Variants in RIMOC1 observed in about 807,000 individuals in gnomAD.
RIMOC1 encodes RAB7A-interacting MON1-CCZ1 complex subunit 1.
chr5:41,908,173 G>A, the RIMOC1 span: 1 of 174,656 alleles, frequency 5.7e-6, no homozygotes, highest in East Asian at 1.6e-4. Flanking sequence ...GTATATAAGG[G>A]CCCTGACTTT....
chr5:41,915,782 A>G, the RIMOC1 span, among the ~76,000 whole-genome samples: 2 of 152,340 alleles, frequency 1.3e-5, no homozygotes, highest in South Asian at 2.1e-4. Flanking sequence ...TTATGAGGGT[A>G]CAATTCAAGA....
At chr5:41,904,959 A>C in the RIMOC1 span, among the ~76,000 whole-genome samples, 6 of 152,186 alleles carry the variant, frequency 3.9e-5, no homozygotes, top group African/African-American at 1.4e-4. Flanking sequence ...TGTGTAGACT[A>C]TTCTGCCCCA....
the RIMOC1 span, chr5:41,919,366 T>G: frequency 6.6e-6 from 1 of 152,198 alleles, no homozygotes; most frequent in Non-Finnish European, 1.5e-5. Context: ...CTCAAACAGT[T>G]AAAATCCAGG....
chr5:41,909,583 T>C, the RIMOC1 span, among the ~76,000 whole-genome samples: 47 of 152,264 alleles, frequency 3.1e-4, 1 homozygote, highest in African/African-American at 1.1e-3. Context: ...TTTCTCAAAT[T>C]ATATTTACAT....
At chr5:41,918,426 C>T in the RIMOC1 span, 1 of 985,608 alleles carries the variant, frequency 1.0e-6, no homozygotes, top group Non-Finnish European at 1.2e-6. Context: ...AACTGTCAGC[C>T]CCTTTCAGGC....
chr5:41,912,492 T>A, the RIMOC1 span, among the ~76,000 whole-genome samples: 2 of 152,186 alleles, frequency 1.3e-5, no homozygotes, highest in East Asian at 3.8e-4. Flanking sequence ...TACCTGAGAC[T>A]GGGTAATTTA....
At chr5:41,917,250 C>T in the RIMOC1 span, 2 of 1,612,270 alleles carry the variant, frequency 1.2e-6, no homozygotes, top group South Asian at 2.2e-5. Flanking sequence ...GAATGGAATA[C>T]AACGAATGCA....
At chr5:41,914,901 TG>T in the RIMOC1 span, among the ~76,000 whole-genome samples, 1 of 152,240 alleles carries the variant, frequency 6.6e-6, no homozygotes, top group Non-Finnish European at 1.5e-5. Flanking sequence ...AATTATTTTT[TG>T]TTAGTCCATA....
At chr5:41,904,438 A>G in the RIMOC1 span, 6 of 1,614,072 alleles carry the variant, frequency 3.7e-6, no homozygotes, top group South Asian at 6.6e-5. Context: ...GCCCACATAC[A>G]GCAACTTAGC....
the RIMOC1 span, chr5:41,907,980 A>C: frequency 6.5e-3 from 4,078 of 624,212 alleles, 28 homozygotes; most frequent in Non-Finnish European, 9.5e-3. Flanking sequence ...ACTATGAATA[A>C]AACACAAAAA....
At chr5:41,914,953 A>G in the RIMOC1 span, among the ~76,000 whole-genome samples, 2 of 152,148 alleles carry the variant, frequency 1.3e-5, no homozygotes, top group African/African-American at 4.8e-5. Context: ...TTAGGGAGAA[A>G]AGTTCTATAT....
At chr5:41,909,541 A>G in the RIMOC1 span, among the ~76,000 whole-genome samples, 1 of 152,126 alleles carries the variant, frequency 6.6e-6, no homozygotes, top group Non-Finnish European at 1.5e-5. Context: ...TCAGCACTTT[A>G]GTGAAATACC....
At chr5:41,917,943 T>A in the RIMOC1 span, 1 of 928,840 alleles carries the variant, frequency 1.1e-6, no homozygotes, top group Non-Finnish European at 1.3e-6. Flanking sequence ...TAAAAGACAA[T>A]GCATGGCTTT....
At chr5:41,915,064 G>A in the RIMOC1 span, among the ~76,000 whole-genome samples, 1 of 152,108 alleles carries the variant, frequency 6.6e-6, no homozygotes, top group African/African-American at 2.4e-5. Context: ...TCTAAGGTAA[G>A]ATAATCATAT....
At chr5:41,918,768 G>A in the RIMOC1 span, 2 of 984,758 alleles carry the variant, frequency 2.0e-6, no homozygotes, top group East Asian at 1.1e-4. Context: ...CCTAGCATAT[G>A]GCTCTTTCTC....
At chr5:41,906,145 A>T in the RIMOC1 span, among the ~76,000 whole-genome samples, 1 of 152,334 alleles carries the variant, frequency 6.6e-6, no homozygotes, top group Admixed American at 6.5e-5. Context: ...ATTAGATGAG[A>T]TACAGCCAGA....
chr5:41,916,659 T>C, the RIMOC1 span, among the ~76,000 whole-genome samples: 1 of 152,102 alleles, frequency 6.6e-6, no homozygotes, highest in Admixed American at 6.6e-5. Flanking sequence ...TACTCTGAAA[T>C]TGACTGCAGA....
chr5:41,909,957 A>G, the RIMOC1 span: 2 of 1,304,732 alleles, frequency 1.5e-6, no homozygotes, highest in East Asian at 5.1e-5. Flanking sequence ...TGCTTTTTGG[A>G]GTCTATATTT....
At chr5:41,917,421 C>T in the RIMOC1 span, 1 of 1,399,166 alleles carries the variant, frequency 7.1e-7, no homozygotes, top group East Asian at 2.5e-5. Context: ...TAAAGATATC[C>T]AGCTTGGGTA....
Sources: gnomAD v4.1 joint callset for allele counts (sites outside exome capture counted in the v4.1 genomes callset) on GRCh38, gnomAD v4.1.1 for gene constraint, MANE v1.5 for transcripts, NCBI Gene and HGNC (gene_info 2026-07-23, HGNC 2026-07-21) for gene names.